The following GRK3 variants were observed in gnomAD, a reference collection of about 807,000 sequenced individuals.
GRK3 encodes the protein adrenergic, beta, receptor kinase 2.
A neutral mutation model predicts 95.7 loss-of-function variants in GRK3; 54 were observed. The observed-to-expected ratio is 0.56, with a 90% CI of 0.45 to 0.71. GRK3 has a LOEUF of 0.71. Among genes scored for constraint, GRK3 ranks in the 30% least tolerant of loss-of-function variants. The probability of loss-of-function intolerance (pLI) is 0.00; values close to 1 mark genes in which losing one functional copy is unlikely to be tolerated. For synonymous variants in GRK3, 281 were observed against 290.8 expected (o/e 0.97, Z 0.34); for missense variants, 649 against 851.2 (o/e 0.76, Z 2.96).
At chr22:25,588,163 C>T (rs1025078060) in intron 1 of GRK3, among the ~76,000 whole-genome samples, 2 of 152,070 alleles carry the variant, frequency 1.3e-5, no homozygotes, top group Non-Finnish European at 2.9e-5. Flanking sequence ...TTAGGTAAAC[C>T]GAGGACACCA....
chr22:25,641,009 G>A lies in GRK3; in HGVS notation c.191-3583G>A, dbSNP rs553376488. Among the ~76,000 whole-genome samples, 21 of 152,198 alleles carry A rather than the reference G, an allele frequency of 1.4e-4. 1 individual carries two copies. In the South Asian group the frequency reaches 4.4e-3, roughly 32 times the overall value. On this transcript the variant is annotated intron_variant, in intron 2 of 20. Transcript: ENST00000324198. ...TCATTTGCTTTTTATATAATTTAAG[G>A]CTGATGAAGGTAAGTTGCGTTCAGC...
intron 12 of GRK3, 119 bp from the exon 13 acceptor site, chr22:25,694,988 C>T: frequency 3.2e-6 from 2 of 634,170 alleles, no homozygotes; most frequent in South Asian, 2.2e-5. Context: ...GCACAACTGT[C>T]CCCTCTCCTT....
rs2085341270 is a variant in GRK3, at chr22:25,711,175, A to G, written c.1491+12A>G. 7.8e-6 allele frequency: 12 copies of G among 1,538,082 alleles called. No individual in the cohort carries two copies. The East Asian group carries it at 2.7e-4, about 35-fold the overall frequency. ...CCAAAGGGATTAAGGTACACATGTG[A>G]TCATTTATTTCTTTATTTTTATTTT... On this transcript the variant is annotated intron_variant, in intron 17 of 20. Transcript: ENST00000324198.
chr22:25,596,695 A>G (rs1171046752), intron 1 of GRK3, among the ~76,000 whole-genome samples: 1 of 152,200 alleles, frequency 6.6e-6, no homozygotes, highest in African/African-American at 2.4e-5. Context: ...TGTTTGAAAA[A>G]TAAACCCTTC....
intron 13 of GRK3, among the ~76,000 whole-genome samples, chr22:25,698,940 G>T (rs2085233705): frequency 1.3e-5 from 2 of 152,174 alleles, no homozygotes; most frequent in African/African-American, 4.8e-5. Context: ...GTTGGATATG[G>T]AAGGATAGAA....
chr22:25,700,253 T>C (rs888687349), intron 13 of GRK3, among the ~76,000 whole-genome samples: 4 of 152,196 alleles, frequency 2.6e-5, no homozygotes, highest in Admixed American at 2.6e-4. Flanking sequence ...TCAGATGACT[T>C]TGTCAGATAC....
intron 18 of GRK3, among the ~76,000 whole-genome samples, chr22:25,717,550 G>T (rs2085396672): frequency 6.6e-6 from 1 of 152,206 alleles, no homozygotes; most frequent in African/African-American, 2.4e-5. Flanking sequence ...CAGCACCTGG[G>T]CATTCACGTG....
intron 8 of GRK3, among the ~76,000 whole-genome samples, chr22:25,676,857 C>T (rs944950634): frequency 2.6e-5 from 4 of 152,056 alleles, no homozygotes; most frequent in Non-Finnish European, 4.4e-5. Context: ...GTCTTAAGGC[C>T]CACGAACCCT....
At chr22:25,604,164 G>A (rs985243396) in intron 1 of GRK3, among the ~76,000 whole-genome samples, 3 of 152,188 alleles carry the variant, frequency 2.0e-5, no homozygotes, top group African/African-American at 2.4e-5. Flanking sequence ...GAGTTTCTGC[G>A]TGTTAAGGTT....
Position 25,685,153 on chromosome 22 carries a change from T to C in GRK3, c.748-17T>C, listed in dbSNP as rs768362999. ...CAGCTTTTGCTCTTCTTATAAACTT[T>C]TATTGTTTCACTCTAGGACTGTCCT... is the stretch of plus-strand genomic sequence containing the variant. On this transcript the variant is annotated splice_polypyrimidine_tract_variant and intron_variant, in intron 9 of 20. Coordinates refer to ENST00000324198, the MANE Select transcript of GRK3 (RefSeq NM_005160.4). 6.9e-6 allele frequency: 11 copies of C among 1,588,320 alleles called. No homozygotes were observed. Among genetic ancestry groups the C allele is most frequent in the Admixed American group, 3.4e-5 (2 of 59,658 alleles).
chr22:25,618,298 C>T (rs560740334), intron 2 of GRK3, among the ~76,000 whole-genome samples: 2 of 152,262 alleles, frequency 1.3e-5, no homozygotes, highest in African/African-American at 2.4e-5. Context: ...ATTACGTTTG[C>T]GATGTCTTTT....
chr22:25,581,843 A>G (rs1177796846), intron 1 of GRK3, among the ~76,000 whole-genome samples: 1 of 152,176 alleles, frequency 6.6e-6, no homozygotes, highest in Non-Finnish European at 1.5e-5. Flanking sequence ...CTTTAAGATA[A>G]TCTACCCTCT....
chr22:25,585,133 T>G (rs1932254221), intron 1 of GRK3, among the ~76,000 whole-genome samples: 1 of 152,300 alleles, frequency 6.6e-6, no homozygotes, highest in Non-Finnish European at 1.5e-5. Context: ...CAGCTCTGCC[T>G]GCCTCGCTAT....
chr22:25,668,152 C>T (rs1442859600), intron 6 of GRK3, among the ~76,000 whole-genome samples: 1 of 152,176 alleles, frequency 6.6e-6, no homozygotes, highest in Non-Finnish European at 1.5e-5. Flanking sequence ...GGAAACATGT[C>T]TCCCAAAGCA....
intron 18 of GRK3, among the ~76,000 whole-genome samples, chr22:25,717,405 G>A (rs953169808): frequency 5.3e-4 from 81 of 152,134 alleles, no homozygotes; most frequent in African/African-American, 1.9e-3. Flanking sequence ...TTCTTTACCT[G>A]CTTGTCTCCA....
intron 2 of GRK3, among the ~76,000 whole-genome samples, chr22:25,636,451 T>C (rs1257244267): frequency 6.6e-6 from 1 of 152,226 alleles, no homozygotes; most frequent in Non-Finnish European, 1.5e-5. Context: ...CCTCTTATTA[T>C]CCTCAATATA....
At chr22:25,699,363 C>T (rs1207139422) in intron 13 of GRK3, among the ~76,000 whole-genome samples, 1 of 152,270 alleles carries the variant, frequency 6.6e-6, no homozygotes, top group South Asian at 2.1e-4. Flanking sequence ...GCACAGTCCC[C>T]TCTGCATCCT....
intron 2 of GRK3, among the ~76,000 whole-genome samples, chr22:25,619,538 T>C (rs747999575): frequency 7.9e-5 from 12 of 152,112 alleles, no homozygotes; most frequent in Non-Finnish European, 1.3e-4. Context: ...AGCTGGAGTT[T>C]AGTGGCGTGA....
intron 1 of GRK3, among the ~76,000 whole-genome samples, chr22:25,599,578 C>T (rs528666490): frequency 3.5e-4 from 49 of 140,358 alleles, no homozygotes; most frequent in African/African-American, 1.2e-3. Flanking sequence ...GGTGACAGAG[C>T]GAGACTCTGT....
Sources: gnomAD v4.1 joint callset for allele counts (sites outside exome capture counted in the v4.1 genomes callset) on GRCh38, gnomAD v4.1.1 for gene constraint, MANE v1.5 for transcripts, NCBI Gene and HGNC (gene_info 2026-07-23, HGNC 2026-07-21) for gene names.